Variants in GAREM1 observed in about 807,000 individuals in gnomAD.
GAREM1 encodes the protein GRB2 associated regulator of MAPK1 subtype 1, also known as GRB2-associated and regulator of MAPK protein 1.
GAREM1 carries 26 observed loss-of-function variants against 71.3 expected under a neutral mutation model. That is an observed-to-expected ratio of 0.36 (90% confidence interval 0.27 to 0.51). The LOEUF is 0.51. GAREM1 is among the 20% of genes least tolerant of loss of function. The probability of loss-of-function intolerance (pLI) is 0.95; values close to 1 mark genes in which losing one functional copy is unlikely to be tolerated. For missense variants in GAREM1, 1,026 were observed against 1,103.1 expected, an observed-to-expected ratio of 0.93 and a Z score of 0.99; for synonymous variants, 440 against 433.2, an observed-to-expected ratio of 1.02 and a Z score of -0.20.
intron 2 of GAREM1, among the ~76,000 whole-genome samples, chr18:32,355,749 A>G (rs1490162510): frequency 6.6e-6 from 1 of 152,190 alleles, no homozygotes; most frequent in Non-Finnish European, 1.5e-5. Flanking sequence ...ACATTCTATA[A>G]AAGAAATGGA....
chr18:32,360,140 C>T (rs941607798), intron 2 of GAREM1, among the ~76,000 whole-genome samples: 1 of 151,440 alleles, frequency 6.6e-6, no homozygotes, highest in African/African-American at 2.4e-5. Context: ...GGGAAAGTTC[C>T]TCCCCTTCAG....
intron 1 of GAREM1, among the ~76,000 whole-genome samples, chr18:32,401,026 G>A (rs1362761058): frequency 6.6e-6 from 1 of 152,100 alleles, no homozygotes; most frequent in Admixed American, 6.5e-5. Context: ...TTCTTTGTAG[G>A]GACATGGATG....
At chr18:32,431,085 T>G (rs1446377504) in intron 1 of GAREM1, among the ~76,000 whole-genome samples, 1 of 152,162 alleles carries the variant, frequency 6.6e-6, no homozygotes, top group African/African-American at 2.4e-5. Flanking sequence ...AGAATTGAAC[T>G]GCAGTACAGA....
intron 4 of GAREM1, among the ~76,000 whole-genome samples, chr18:32,273,751 G>GAAAC (rs1465765042): frequency 6.6e-6 from 1 of 152,016 alleles, no homozygotes; most frequent in East Asian, 1.9e-4. Context: ...GAGAGAGAGA[G>GAAAC]AAACAAACTG....
chr18:32,289,722 C>T (rs1015152232), intron 3 of GAREM1, among the ~76,000 whole-genome samples: 1 of 152,102 alleles, frequency 6.6e-6, no homozygotes, highest in African/African-American at 2.4e-5. Context: ...GCTTTGATTG[C>T]CATGACTGGG....
At chr18:32,309,714 T>A (rs561787153) in intron 3 of GAREM1, among the ~76,000 whole-genome samples, 1 of 150,382 alleles carries the variant, frequency 6.6e-6, no homozygotes, top group East Asian at 2.0e-4. Context: ...TTTCTCTATA[T>A]ATAGTGAAAT....
intron 2 of GAREM1, among the ~76,000 whole-genome samples, chr18:32,370,789 AAT>A (rs2047970658): frequency 6.6e-6 from 1 of 152,200 alleles, no homozygotes; most frequent in South Asian, 2.1e-4. Context: ...GGCGATCAGT[AAT>A]AGATGCTAAT....
At chr18:32,378,065 G>GTGTGC in intron 2 of GAREM1, among the ~76,000 whole-genome samples, 1 of 128,828 alleles carries the variant, frequency 7.8e-6, no homozygotes, top group African/African-American at 2.9e-5. Context: ...TGTGCGCGCG[G>GTGTGC]GCGCTTTGGA....
chr18:32,451,969 G>C (rs1158799528), intron 1 of GAREM1, among the ~76,000 whole-genome samples: 1 of 152,006 alleles, frequency 6.6e-6, no homozygotes, highest in Non-Finnish European at 1.5e-5. Flanking sequence ...GGTGACAAAA[G>C]GTATTTTTAA....
In GAREM1 at chr18:32,272,155, T is replaced by C. The variant is rs191613435; in HGVS notation, c.1567-1772A>G. On this transcript the variant is annotated intron_variant, in intron 4 of 5. Coordinates refer to ENST00000269209, the MANE Select transcript of GAREM1 (RefSeq NM_001242409.2). Reference sequence around the variant, plus strand: ...GCGGAAATGAAATGGGTTCATGTTATCACACTGCATCTCCTACTATCTACA... The same window carrying C: ...GCGGAAATGAAATGGGTTCATGTTACCACACTGCATCTCCTACTATCTACA... 2.4e-3 allele frequency among the ~76,000 whole-genome samples: 358 copies of C among 152,320 alleles called. 1 individual carries two copies. The highest frequency in any genetic ancestry group is 8.2e-3 in the African/African-American group (342 of 41,560).
intron 2 of GAREM1, among the ~76,000 whole-genome samples, chr18:32,317,948 T>C (rs547829846): frequency 3.9e-5 from 6 of 152,170 alleles, no homozygotes; most frequent in Non-Finnish European, 8.8e-5. Flanking sequence ...ATTTCACGAA[T>C]AACAGAGTCT....
At chr18:32,462,004 A>C (rs1356016974) in intron 1 of GAREM1, among the ~76,000 whole-genome samples, 1 of 152,224 alleles carries the variant, frequency 6.6e-6, no homozygotes, top group African/African-American at 2.4e-5. Context: ...CCCTCTTTAA[A>C]CTATAATGCA....
chr18:32,314,029 G>A (rs1278302109), intron 2 of GAREM1, among the ~76,000 whole-genome samples: 1 of 150,930 alleles, frequency 6.6e-6, no homozygotes, highest in Non-Finnish European at 1.5e-5. Context: ...GTAGGGGTAT[G>A]AATAATACAT....
rs868606790 is a variant in GAREM1 at position 32,378,055 on chromosome 18, T to C, written c.262+14840A>G. Among the ~76,000 whole-genome samples, 295 of 127,096 alleles carry C rather than the reference T, an allele frequency of 2.3e-3. 2 individuals are homozygous for C. The highest frequency in any genetic ancestry group is 6.2e-3 in the South Asian group (25 of 4,034). The allele number at this position is 127,096 out of a possible 152,430, so 83.4% of individuals were successfully genotyped here. ...GTGTGTGTGTGTGTGTGTGTGTGTG[T>C]GTGCGCGCGGGCGCTTTGGAGGAGG... On this transcript the variant is annotated intron_variant, in intron 2 of 5. Transcript: ENST00000269209.
chr18:32,378,922 T>C (rs1360180506), intron 2 of GAREM1, among the ~76,000 whole-genome samples: 1 of 151,752 alleles, frequency 6.6e-6, no homozygotes, highest in African/African-American at 2.4e-5. Flanking sequence ...TATTGTATCA[T>C]GGGAGTGAGC....
intron 1 of GAREM1, among the ~76,000 whole-genome samples, chr18:32,426,212 G>T (rs1285786968): frequency 6.6e-6 from 1 of 152,036 alleles, no homozygotes; most frequent in African/African-American, 2.4e-5. Flanking sequence ...TAGAGATGGG[G>T]TTTCACCGTG....
chr18:32,402,928 CT>C, intron 1 of GAREM1, among the ~76,000 whole-genome samples: 1 of 151,962 alleles, frequency 6.6e-6, no homozygotes, highest in South Asian at 2.1e-4. Context: ...CCTTCTTTTT[CT>C]TTTATTGAGA....
intron 2 of GAREM1, among the ~76,000 whole-genome samples, chr18:32,332,391 G>T (rs1487798772): frequency 3.3e-5 from 5 of 151,846 alleles, no homozygotes; most frequent in African/African-American, 9.7e-5. Flanking sequence ...ATGCTCACAT[G>T]GGGGGGTTGG....
chr18:32,389,794 T>A (rs910987177), intron 2 of GAREM1, among the ~76,000 whole-genome samples: 1 of 152,158 alleles, frequency 6.6e-6, no homozygotes, highest in African/African-American at 2.4e-5. Context: ...ATAAATAGAT[T>A]CTTGGAGACA....
Sources: gnomAD v4.1 joint callset for allele counts (sites outside exome capture counted in the v4.1 genomes callset) on GRCh38, gnomAD v4.1.1 for gene constraint, MANE v1.5 for transcripts, NCBI Gene and HGNC (gene_info 2026-07-23, HGNC 2026-07-21) for gene names.